Variants in EBF3 observed in about 807,000 individuals in gnomAD.
The protein encoded by EBF3 is EBF transcription factor 3.
Under a neutral mutation model 77.1 loss-of-function variants are expected in EBF3, and 18 were observed. That is an observed-to-expected ratio of 0.23 (90% CI 0.16 to 0.35). EBF3 has a LOEUF of 0.35. Among genes scored for constraint, EBF3 ranks in the 10% least tolerant of loss-of-function variants. The pLI is 1.00. For missense variants in EBF3, 558 were observed against 860.0 expected (o/e 0.65, Z 4.39); for synonymous variants, 350 against 343.5 (o/e 1.02, Z -0.21).
At position 129,841,735 on chromosome 10, in the gene EBF3, A is replaced by C. The variant is rs1438458898; in HGVS notation, c.1372+381T>G. On this transcript the variant is annotated intron_variant, in intron 13 of 16. Coordinates refer to ENST00000440978, the MANE Select transcript of EBF3 (RefSeq NM_001375380.1). The surrounding 1 kb of genome is among the most constrained non-coding windows in gnomAD (Gnocchi z 4.6). ...GGATTCGTTCCAAACTTAGACCCAA[A>C]TCCCGCCGTGCAGTGCGTCCAAGCA... Among the ~76,000 whole-genome samples the C allele has an allele frequency of 2.0e-5, 3 of 152,122 alleles. No individual in the cohort carries two copies. Among genetic ancestry groups the C allele is most frequent in the African/African-American group, 7.2e-5 (3 of 41,420 alleles).
rs140007909 is a variant in EBF3 at position 129,947,491 on chromosome 10, A to G, written c.554+9767T>C. ...GCTGAATTCATTCTGTTCTTATGCC[A>G]CGGTGCAGTATATTTGCCTTCCCAA... On this transcript the variant is annotated intron_variant, in intron 6 of 16. Transcript: ENST00000440978. This position sits in a 1 kb window ranked among gnomAD's most constrained non-coding sequence, Gnocchi z 4.5. 1.3e-3 allele frequency among the ~76,000 whole-genome samples: 200 copies of G among 152,318 alleles called. 1 individual carries two copies. Among genetic ancestry groups the G allele is most frequent in the Middle Eastern group, 6.8e-3 (2 of 294 alleles).
chr10:129,914,014 GT>G (rs1415980209), intron 6 of EBF3, among the ~76,000 whole-genome samples: 1 of 152,212 alleles, frequency 6.6e-6, no homozygotes, highest in Non-Finnish European at 1.5e-5. Context: ...AGGCCTGGTG[GT>G]TCAAGAACAC....
intron 10 of EBF3, among the ~76,000 whole-genome samples, chr10:129,857,898 G>A (rs4751139): frequency 0.098 from 14,975 of 152,242 alleles, 840 homozygotes; most frequent in Middle Eastern, 0.19. Flanking sequence ...TGTTGATGGC[G>A]AGCTTCCACA....
At chr10:129,949,319 A>G (rs1858483367) in intron 6 of EBF3, among the ~76,000 whole-genome samples, 1 of 152,040 alleles carries the variant, frequency 6.6e-6, no homozygotes, top group African/African-American at 2.4e-5. Flanking sequence ...ACACACAGAA[A>G]AGAAAAGAAA....
chr10:129,879,929 C>T lies in EBF3; in HGVS notation c.555-2080G>A, dbSNP rs540439499. ...CACACATTACCACCCAGCTAATCTTCGGAGCAGGCGCCGGCCCGAGAAGCT... is the reference window on the plus strand; with the variant it reads ...CACACATTACCACCCAGCTAATCTTTGGAGCAGGCGCCGGCCCGAGAAGCT... On this transcript the variant is annotated intron_variant, in intron 6 of 16. Transcript: ENST00000440978. This position sits in a 1 kb window ranked among gnomAD's most constrained non-coding sequence, Gnocchi z 4.7. 1.3e-5 allele frequency among the ~76,000 whole-genome samples: 2 copies of T among 152,268 alleles called. No homozygotes were observed. The highest frequency in any genetic ancestry group is 1.9e-4 in the East Asian group (1 of 5,174).
At chr10:129,954,601 G>A (rs765431638) in intron 6 of EBF3, among the ~76,000 whole-genome samples, 11 of 152,272 alleles carry the variant, frequency 7.2e-5, no homozygotes, top group East Asian at 3.9e-4. Flanking sequence ...CAGTCTCAAC[G>A]TGCCGGGAGA....
Position 129,863,063 on chromosome 10 carries a change from T to C in EBF3, c.1039+4078A>G, listed in dbSNP as rs1470855485. 6.6e-6 allele frequency among the ~76,000 whole-genome samples: 1 copy of C among 152,236 alleles called. No individual in the cohort carries two copies. Among genetic ancestry groups the C allele is most frequent in the Non-Finnish European group, 1.5e-5 (1 of 68,036 alleles). On this transcript the variant is annotated intron_variant, in intron 10 of 16. Coordinates refer to ENST00000440978, the MANE Select transcript of EBF3 (RefSeq NM_001375380.1). The surrounding 1 kb of genome is among the most constrained non-coding windows in gnomAD (Gnocchi z 4.0). ...AATATCTCATTAATTTAATTTTAGG[T>C]GCCCACCAGTTTATATTGCATTTTA...
chr10:129,868,759 CAGGCCTGGTGG>C (rs1426741433), intron 8 of EBF3, among the ~76,000 whole-genome samples: 1 of 152,262 alleles, frequency 6.6e-6, no homozygotes, highest in East Asian at 1.9e-4. Context: ...CTGAGGGCTG[CAGGCCTGGTGG>C]AGGCCGGCTT....
At chr10:129,891,211 C>T (rs1343805274) in intron 6 of EBF3, among the ~76,000 whole-genome samples, 3 of 152,166 alleles carry the variant, frequency 2.0e-5, no homozygotes, top group East Asian at 1.9e-4. Context: ...GACTTTAATA[C>T]TCTCCCATCA....
rs1281419645 is a variant in EBF3, at chr10:129,963,567, C to T, written c.135-44G>A. On this transcript the variant is annotated intron_variant, in intron 1 of 16. Coordinates refer to ENST00000440978, the MANE Select transcript of EBF3 (RefSeq NM_001375380.1). This position sits in a 1 kb window ranked among gnomAD's most constrained non-coding sequence, Gnocchi z 7.1. ...AGCGGCCCGGTGAGGAGCGCGGCGC[C>T]GGCCGGCGGAGGGGGCCGGGCCGGG... The T allele has an allele frequency of 1.5e-6, 2 of 1,302,740 alleles. No homozygotes were observed. The highest frequency in any genetic ancestry group is 2.0e-5 in the South Asian group (1 of 50,904). 80.7% of individuals were successfully genotyped at this position (1,302,740 alleles called of 1,614,324 possible).
intron 6 of EBF3, among the ~76,000 whole-genome samples, chr10:129,929,040 C>A (rs1038551327): frequency 1.3e-5 from 2 of 152,024 alleles, no homozygotes; most frequent in Non-Finnish European, 2.9e-5. Flanking sequence ...ACAAGGAGAC[C>A]CTCGGGCTGT....
At chr10:129,868,452 C>T (rs897363320) in intron 8 of EBF3, among the ~76,000 whole-genome samples, 5 of 152,228 alleles carry the variant, frequency 3.3e-5, no homozygotes, top group African/African-American at 4.8e-5. Flanking sequence ...TATATTAATA[C>T]TTTTGTCAAA....
chr10:129,943,921 A>G lies in EBF3; in HGVS notation c.554+13337T>C, dbSNP rs1857984537. 6.6e-6 allele frequency among the ~76,000 whole-genome samples: 1 copy of G among 152,252 alleles called. No homozygotes were observed. The highest frequency in any genetic ancestry group is 2.1e-4 in the South Asian group (1 of 4,820). On this transcript the variant is annotated intron_variant, in intron 6 of 16. Coordinates refer to ENST00000440978, the MANE Select transcript of EBF3 (RefSeq NM_001375380.1). The surrounding 1 kb of genome is among the most constrained non-coding windows in gnomAD (Gnocchi z 8.8). ...CTGAAACCGTAAAATGCTCGGTAAA[A>G]CCAGTCGCTCTGAGGGTGCAGCGCG... is the stretch of plus-strand genomic sequence containing the variant.
intron 10 of EBF3, among the ~76,000 whole-genome samples, chr10:129,858,402 G>A (rs911346686): frequency 3.3e-5 from 5 of 152,224 alleles, no homozygotes; most frequent in Admixed American, 1.3e-4. Flanking sequence ...CATCGTAAGA[G>A]CCCTGGAGGA....
rs549641621 is a variant in EBF3 at position 129,887,812 on chromosome 10, CGCCGCG to C, written c.555-9969_555-9964del. On this transcript the variant is annotated intron_variant, in intron 6 of 16. Coordinates refer to ENST00000440978, the MANE Select transcript of EBF3 (RefSeq NM_001375380.1). ...CACATGCCAGCCCCAAGAAGAGAGG[CGCCGCG>C]GCCCTGATCTCCTTTCAGAGCGTTG... 2.4e-4 allele frequency among the ~76,000 whole-genome samples: 37 copies of C among 152,208 alleles called. No homozygotes were observed. The East Asian group carries it at 6.8e-3, about 28-fold the overall frequency.
intron 6 of EBF3, among the ~76,000 whole-genome samples, chr10:129,948,194 G>A (rs1187422519): frequency 6.9e-6 from 1 of 145,038 alleles, no homozygotes; most frequent in Non-Finnish European, 1.5e-5. Context: ...GGAGAAGGAG[G>A]TTGCAGTGAG....
At chr10:129,874,804 G>A (rs1032021695) in intron 7 of EBF3, among the ~76,000 whole-genome samples, 6 of 152,120 alleles carry the variant, frequency 3.9e-5, no homozygotes, top group African/African-American at 1.2e-4. Flanking sequence ...GACAAAGCAC[G>A]CCATGCAAAA....
intron 6 of EBF3, among the ~76,000 whole-genome samples, chr10:129,942,852 G>A (rs1857872272): frequency 6.6e-6 from 1 of 152,170 alleles, no homozygotes; most frequent in African/African-American, 2.4e-5. Flanking sequence ...CTAAATTGGG[G>A]TGGGAGGGAC....
At chr10:129,933,214 A>ACG (rs1857145595) in intron 6 of EBF3, among the ~76,000 whole-genome samples, 1 of 152,120 alleles carries the variant, frequency 6.6e-6, no homozygotes, top group African/African-American at 2.4e-5. Context: ...GTGCACCCAC[A>ACG]CACACACATA....
Sources: gnomAD v4.1 joint callset for allele counts (sites outside exome capture counted in the v4.1 genomes callset) on GRCh38, gnomAD v4.1.1 for gene constraint, Gnocchi (gnomAD v3.1) non-coding constraint, MANE v1.5 for transcripts, NCBI Gene and HGNC (gene_info 2026-07-23, HGNC 2026-07-21) for gene names.